Variants in WDR44 observed in about 807,000 individuals in gnomAD.
WDR44 encodes WD repeat-containing protein 44.
Under a neutral mutation model 65.7 loss-of-function variants are expected in WDR44, and 9 were observed. That is an observed-to-expected ratio of 0.14 (90% CI 0.08 to 0.24). WDR44 has a LOEUF of 0.24. Ranked by LOEUF, WDR44 falls within the 10% of genes least tolerant of loss-of-function variation. The pLI is 1.00. For synonymous variants in WDR44, 220 were observed against 235.2 expected, an observed-to-expected ratio of 0.94 and a Z score of 0.59; for missense variants, 425 against 670.9, an observed-to-expected ratio of 0.63 and a Z score of 4.05.
intron 1 of WDR44, among the ~76,000 whole-genome samples, chrX:118,350,458 AGG>A (rs924964547): frequency 3.6e-5 from 4 of 111,724 alleles, no homozygotes; most frequent in Non-Finnish European, 7.5e-5. Flanking sequence ...CTTTAAATTG[AGG>A]GGATTACACT....
chrX:118,375,613 TG>T (rs2056652836), intron 1 of WDR44, among the ~76,000 whole-genome samples: 1 of 111,541 alleles, frequency 9.0e-6, no homozygotes, highest in African/African-American at 3.3e-5. Flanking sequence ...TCAATTTGTG[TG>T]GAATCTTCTT....
intron 1 of WDR44, among the ~76,000 whole-genome samples, chrX:118,358,683 G>C (rs761486368): frequency 7.3e-5 from 8 of 110,231 alleles, no homozygotes; most frequent in South Asian, 3.9e-4. Flanking sequence ...CCAGCCTGGC[G>C]ACAGAGCGAG....
chrX:118,374,486 C>G (rs2056640416), intron 1 of WDR44, among the ~76,000 whole-genome samples: 1 of 111,665 alleles, frequency 9.0e-6, no homozygotes, highest in African/African-American at 3.3e-5. Flanking sequence ...ATGTTCCTAC[C>G]TACCAAGGCC....
chrX:118,422,414 G>A (rs1244427541), intron 12 of WDR44, among the ~76,000 whole-genome samples: 1 of 109,613 alleles, frequency 9.1e-6, no homozygotes, highest in African/African-American at 3.3e-5. Context: ...TTTTGAGCCA[G>A]GCGCGGTGGC....
chrX:118,371,174 T>C (rs2056611693), intron 1 of WDR44, among the ~76,000 whole-genome samples: 1 of 111,601 alleles, frequency 9.0e-6, no homozygotes, highest in Non-Finnish European at 1.9e-5. Context: ...CTAGAAGACA[T>C]TATGTTAAGT....
At chrX:118,440,044 C>T (rs1182189613) in intron 14 of WDR44, among the ~76,000 whole-genome samples, 1 of 102,998 alleles carries the variant, frequency 9.7e-6, no homozygotes, top group Non-Finnish European at 2.0e-5. Context: ...TACTTGAGCC[C>T]AGGAGGTCGA....
intron 1 of WDR44, among the ~76,000 whole-genome samples, chrX:118,351,789 A>G (rs1409222427): frequency 9.1e-6 from 1 of 110,124 alleles, no homozygotes; most frequent in Non-Finnish European, 1.9e-5. Flanking sequence ...ATCTCTACTA[A>G]AAATACAAAA....
chrX:118,423,918 C>T (rs928786774), intron 12 of WDR44, among the ~76,000 whole-genome samples: 2 of 111,436 alleles, frequency 1.8e-5, no homozygotes, highest in African/African-American at 6.5e-5. Context: ...TTCATGTTAT[C>T]ACAAATGCCA....
intron 1 of WDR44, among the ~76,000 whole-genome samples, chrX:118,350,054 A>G (rs960237374): frequency 9.0e-6 from 1 of 110,953 alleles, no homozygotes; most frequent in Non-Finnish European, 1.9e-5. Context: ...TTTAGGACCA[A>G]GTTGCTGAAT....
chrX:118,430,103 A>G (rs2057195467), intron 12 of WDR44, among the ~76,000 whole-genome samples: 1 of 111,684 alleles, frequency 9.0e-6, no homozygotes, highest in African/African-American at 3.3e-5. Context: ...GGTAAATTTC[A>G]TGTTTAATAT....
intron 12 of WDR44, among the ~76,000 whole-genome samples, chrX:118,427,287 T>G (rs75027546): frequency 0.012 from 1,212 of 105,121 alleles, 15 homozygotes; most frequent in African/African-American, 0.035. Flanking sequence ...TTTTTTTTTT[T>G]GGGGACGGAG....
chrX:118,411,718 T>C (rs2057014695), intron 12 of WDR44, among the ~76,000 whole-genome samples: 1 of 112,227 alleles, frequency 8.9e-6, no homozygotes, highest in Non-Finnish European at 1.9e-5. Context: ...ATATTTATGC[T>C]CTTCTTCTAG....
At chrX:118,347,284 C>T (rs748373696) in intron 1 of WDR44, among the ~76,000 whole-genome samples, 62 of 112,292 alleles carry the variant, frequency 5.5e-4, no homozygotes, top group Non-Finnish European at 1.1e-3. Flanking sequence ...GAGGGACAAA[C>T]AAGTGCTGAG....
chrX:118,367,491 G>A (rs951698054), intron 1 of WDR44, among the ~76,000 whole-genome samples: 1 of 111,599 alleles, frequency 9.0e-6, no homozygotes, highest in Admixed American at 9.6e-5. Context: ...CCTTACTAAA[G>A]GGTCACAGTT....
At chrX:118,434,065 A>G (rs2057233936) in intron 13 of WDR44, among the ~76,000 whole-genome samples, 1 of 112,555 alleles carries the variant, frequency 8.9e-6, no homozygotes, top group African/African-American at 3.2e-5. Context: ...CCAGTGTCAC[A>G]GTAGCTAATC....
chrX:118,425,505 G>A (rs1332156848), intron 12 of WDR44, among the ~76,000 whole-genome samples: 2 of 110,249 alleles, frequency 1.8e-5, no homozygotes, highest in African/African-American at 6.6e-5. Context: ...AAAATTAGCT[G>A]GGTGTGGTGG....
intron 12 of WDR44, 94 bp from the exon 13 acceptor site, chrX:118,432,687 C>A: frequency 2.6e-6 from 2 of 764,257 alleles, no homozygotes; most frequent in Non-Finnish European, 4.0e-6. Context: ...TTCAATCAGG[C>A]ATCATACAAA....
At chrX:118,361,276 G>C (rs185557335) in intron 1 of WDR44, among the ~76,000 whole-genome samples, 33 of 111,807 alleles carry the variant, frequency 3.0e-4, no homozygotes, top group Admixed American at 4.8e-4. Flanking sequence ...ATTCCTTCCT[G>C]TTCGCAGAAG....
intron 11 of WDR44, 113 bp downstream of exon 11, chrX:118,409,740 G>T: frequency 1.3e-6 from 1 of 782,495 alleles, no homozygotes; most frequent in Non-Finnish European, 1.8e-6. Context: ...TATGATAATA[G>T]CCAAAAACTT....
Sources: allele counts gnomAD v4.1 joint callset (sites outside exome capture counted in the v4.1 genomes callset), GRCh38; gene constraint gnomAD v4.1.1; transcripts MANE v1.5; gene names NCBI Gene and HGNC (gene_info 2026-07-23, HGNC 2026-07-21).